NBN: variants seen among roughly 807,000 people sequenced by gnomAD.
NBN encodes the protein nibrin.
Under a neutral mutation model 90.8 loss-of-function variants are expected in NBN, and 88 were observed. That is an observed-to-expected ratio of 0.97 (90% CI 0.82 to 1.16). The LOEUF (loss-of-function observed/expected upper bound fraction) is 1.16, where lower values mean the gene tolerates loss of function less well. Ranked by LOEUF, NBN falls within the 50% of genes most tolerant of loss-of-function variation. The pLI, the probability that NBN is intolerant of heterozygous loss-of-function variation, is 0.00. For synonymous variants in NBN, 328 were observed against 295.1 expected, an observed-to-expected ratio of 1.11 and a Z score of -1.14; for missense variants, 894 against 869.6, an observed-to-expected ratio of 1.03 and a Z score of -0.35.
intron 12 of NBN, among the ~76,000 whole-genome samples, chr8:89,947,281 G>A (rs1410404986): frequency 1.3e-5 from 2 of 152,144 alleles, no homozygotes; most frequent in Non-Finnish European, 2.9e-5. Context: ...GCAGAAGGCA[G>A]GGAATTACAC....
rs543406213 is a variant in NBN at position 89,964,324 on chromosome 8, T to C, written c.994+86A>G. The stretch of plus-strand genomic sequence containing the variant: ...AAAACATGGTGAATATGGTCACCCC[T>C]AGCAAGTATATGAGTAACGTATATT... On this transcript the variant is annotated intron_variant, in intron 8 of 15. Transcript: ENST00000265433. 4.7e-5 allele frequency: 67 copies of C among 1,436,656 alleles called. No homozygotes were observed. The African/African-American group carries it at 9.0e-4, about 19-fold the overall frequency. 89.0% of individuals were successfully genotyped at this position (1,436,656 alleles called of 1,614,324 possible).
At chr8:89,949,406 A>G (rs772874100) in intron 11 of NBN, among the ~76,000 whole-genome samples, 20 of 152,218 alleles carry the variant, frequency 1.3e-4, no homozygotes, top group Non-Finnish European at 2.1e-4. Flanking sequence ...AAAAAATGCT[A>G]TATAAAAATG....
chr8:89,981,900 T>C (rs1812089169), intron 2 of NBN: 2 of 825,896 alleles, frequency 2.4e-6, no homozygotes, highest in Non-Finnish European at 3.3e-6. Flanking sequence ...AACCACATTG[T>C]AAAAATTAGT....
intron 9 of NBN, among the ~76,000 whole-genome samples, chr8:89,958,273 C>T (rs954852277): frequency 2.0e-5 from 3 of 152,178 alleles, no homozygotes; most frequent in African/African-American, 7.2e-5. Context: ...AGGTGATGGA[C>T]TGATACCGTG....
intron 8 of NBN, among the ~76,000 whole-genome samples, chr8:89,962,994 G>C (rs1223698154): frequency 6.6e-6 from 1 of 150,818 alleles, no homozygotes; most frequent in East Asian, 1.9e-4. Context: ...TTTCCTCTCT[G>C]TCCGTCAGTT....
At chr8:89,948,325 CAT>C (rs1810291654) in intron 11 of NBN, among the ~76,000 whole-genome samples, 1 of 152,122 alleles carries the variant, frequency 6.6e-6, no homozygotes, top group Middle Eastern at 3.2e-3. Flanking sequence ...TTATTTTCTA[CAT>C]GTCTGTACGA....
In NBN at chr8:89,964,551, A is replaced by G. The variant is rs553968420; in HGVS notation, c.897-44T>C. The G allele has an allele frequency of 1.7e-5, 26 of 1,524,238 alleles. No homozygotes were observed. The South Asian group carries it at 2.9e-4, about 17-fold the overall frequency. 94.4% of individuals were successfully genotyped at this position (1,524,238 alleles called of 1,614,324 possible). ...TTAAGTATGATAATATATTAAAACTAGCAACTTTTATTCAGATAATGTCAA... is the reference window on the plus strand; with the variant it reads ...TTAAGTATGATAATATATTAAAACTGGCAACTTTTATTCAGATAATGTCAA... On this transcript the variant is annotated intron_variant, in intron 7 of 15. Transcript: ENST00000265433.
At position 89,947,702 on chromosome 8, in the gene NBN, A is replaced by G. The variant is rs1810257907; in HGVS notation, c.1914+122T>C. ...CATGATCAATCCATTTCAAGGCACAATCATGAAGTAAGCCATAATTAGGAA... is the reference window on the plus strand; with the variant it reads ...CATGATCAATCCATTTCAAGGCACAGTCATGAAGTAAGCCATAATTAGGAA... On this transcript the variant is annotated intron_variant, in intron 12 of 15. Coordinates refer to ENST00000265433, the MANE Select transcript of NBN (RefSeq NM_002485.5). 4 of 629,192 alleles carry G rather than the reference A, an allele frequency of 6.4e-6. No individual in the cohort carries two copies. The Admixed American group carries it at 9.6e-5, about 15-fold the overall frequency. The allele number at this position is 629,192 out of a possible 1,614,324, so 39.0% of individuals were successfully genotyped here.
At chr8:89,962,355 C>T (rs950355946) in intron 8 of NBN, among the ~76,000 whole-genome samples, 7 of 152,006 alleles carry the variant, frequency 4.6e-5, no homozygotes, top group South Asian at 4.1e-4. Context: ...ACCTAATCAC[C>T]GTTTTTATAT....
rs1810566048 is a variant in NBN, at chr8:89,953,707, A to G, written c.1398-16T>C. ...ATCCCTTTCCCTTAGATTTAAAAAA[A>G]AAGAAGAAAACAAAACAAGAAAATG... On this transcript the variant is annotated splice_polypyrimidine_tract_variant and intron_variant, in intron 10 of 15. Coordinates refer to ENST00000265433, the MANE Select transcript of NBN (RefSeq NM_002485.5). 6.3e-7 allele frequency: 1 copy of G among 1,589,324 alleles called. No individual in the cohort carries two copies. The highest frequency in any genetic ancestry group is 8.6e-7 in the Non-Finnish European group (1 of 1,166,358).
chr8:89,961,557 T>C (rs1330585342), intron 8 of NBN, among the ~76,000 whole-genome samples: 5 of 152,146 alleles, frequency 3.3e-5, no homozygotes, highest in Admixed American at 3.3e-4. Flanking sequence ...GTAGAATGAG[T>C]CAGATTTTGA....
At position 89,982,920 on chromosome 8, in the gene NBN, C is replaced by A. The variant is rs943919835; in HGVS notation, c.38-65G>T. Reference sequence around the variant, plus strand: ...ACACATACACATGTACACGAACACACACATACATGTAAGTGTATATGATAT... The same window carrying A: ...ACACATACACATGTACACGAACACAAACATACATGTAAGTGTATATGATAT... On this transcript the variant is annotated intron_variant, in intron 1 of 15. Coordinates refer to ENST00000265433, the MANE Select transcript of NBN (RefSeq NM_002485.5). 7 of 1,480,936 alleles carry A rather than the reference C, an allele frequency of 4.7e-6. No homozygotes were observed. In the South Asian group the frequency reaches 8.0e-5, roughly 17 times the overall value. The allele number at this position is 1,480,936 out of a possible 1,614,324, so 91.7% of individuals were successfully genotyped here. A position where few individuals can be genotyped will look rare whatever the true frequency, so the allele number is the denominator to read the frequency against.
At chr8:89,971,736 G>T (rs1432178286) in intron 5 of NBN, among the ~76,000 whole-genome samples, 1 of 152,108 alleles carries the variant, frequency 6.6e-6, no homozygotes, top group Non-Finnish European at 1.5e-5. Context: ...TTTTGTTAGA[G>T]ATCTCTTTGG....
chr8:89,948,123 G>A (rs1810284217), intron 11 of NBN, among the ~76,000 whole-genome samples: 2 of 152,046 alleles, frequency 1.3e-5, no homozygotes, highest in African/African-American at 4.8e-5. Flanking sequence ...ACAAAGAATT[G>A]GAAGCGATCT....
chr8:89,973,209 T>G (rs1433663499), intron 5 of NBN, among the ~76,000 whole-genome samples: 1 of 152,242 alleles, frequency 6.6e-6, no homozygotes, highest in African/African-American at 2.4e-5. Context: ...TGCTTCACTG[T>G]AGGCATTCAA....
chr8:89,936,795 T>G (rs999500376), intron 15 of NBN, among the ~76,000 whole-genome samples: 4 of 152,200 alleles, frequency 2.6e-5, no homozygotes, highest in Admixed American at 2.6e-4. Flanking sequence ...TCTTTTTGCC[T>G]GAATGCCCCC....
intron 7 of NBN, among the ~76,000 whole-genome samples, chr8:89,969,895 G>A (rs1811423632): frequency 6.6e-6 from 1 of 151,932 alleles, no homozygotes; most frequent in Admixed American, 6.6e-5. Flanking sequence ...AGGTTGCAGT[G>A]AGCTAAGATT....
chr8:89,946,042 G>T (rs964608310), intron 13 of NBN, 98 bp downstream of exon 13: 145 of 943,014 alleles, frequency 1.5e-4, no homozygotes, highest in Admixed American at 2.1e-4. Flanking sequence ...AGAAGTATCA[G>T]TTTTCAACAT....
intron 11 of NBN, among the ~76,000 whole-genome samples, chr8:89,952,984 C>A (rs940397788): frequency 6.6e-6 from 1 of 152,066 alleles, no homozygotes; most frequent in African/African-American, 2.4e-5. Context: ...AGCCAAATGT[C>A]TTTTATAATA....
Sources: gnomAD v4.1 joint callset for allele counts (sites outside exome capture counted in the v4.1 genomes callset) on GRCh38, gnomAD v4.1.1 for gene constraint, MANE v1.5 for transcripts, NCBI Gene and HGNC (gene_info 2026-07-23, HGNC 2026-07-21) for gene names.